The following CDH13 variants were observed in gnomAD, a reference collection of about 807,000 sequenced individuals.
The protein encoded by CDH13 is cadherin 13, also known as cadherin-13.
Under a neutral mutation model 63.8 loss-of-function variants are expected in CDH13, and 24 were observed. The observed-to-expected ratio is 0.38, with a 90% CI of 0.27 to 0.53. The LOEUF is 0.53. CDH13 is among the 20% of genes least tolerant of loss of function. CDH13 has a pLI of 0.85. For missense variants in CDH13, 1,049 were observed against 903.1 expected (o/e 1.16, Z -2.07); for synonymous variants, 503 against 355.3 (o/e 1.42, Z -4.67).
rs191142625 is a variant in CDH13, at chr16:82,920,432, C to T, written c.157+61959C>T. On this transcript the variant is annotated intron_variant, in intron 2 of 13. Transcript: ENST00000567109. ...AATGAATATGGGTCCTGTGCTCGTCCATGAATCAGTGATGTGGCCAACAAA... is the reference window on the plus strand; with the variant it reads ...AATGAATATGGGTCCTGTGCTCGTCTATGAATCAGTGATGTGGCCAACAAA... Among the ~76,000 whole-genome samples the T allele has an allele frequency of 5.4e-4, 82 of 152,300 alleles. 1 individual carries two copies. The highest frequency in any genetic ancestry group is 1.8e-3 in the African/African-American group (75 of 41,576).
intron 5 of CDH13, among the ~76,000 whole-genome samples, chr16:83,287,110 T>G (rs2089337258): frequency 6.6e-6 from 1 of 152,136 alleles, no homozygotes; most frequent in Admixed American, 6.5e-5. Context: ...TTCAGGTACT[T>G]TATAGGCCAT....
At chr16:83,266,882 C>G (rs551729154) in intron 5 of CDH13, among the ~76,000 whole-genome samples, 94 of 152,186 alleles carry the variant, frequency 6.2e-4, no homozygotes, top group Non-Finnish European at 4.9e-4. Context: ...GATGTCTTGT[C>G]CTAACTATCA....
chr16:83,556,019 C>G (rs2075594390), intron 7 of CDH13, among the ~76,000 whole-genome samples: 1 of 152,158 alleles, frequency 6.6e-6, no homozygotes, highest in South Asian at 2.1e-4. Flanking sequence ...GTTTCACTCC[C>G]TTTCCCAGTG....
At chr16:82,838,070 G>A (rs780582567) in intron 1 of CDH13, among the ~76,000 whole-genome samples, 5 of 152,194 alleles carry the variant, frequency 3.3e-5, no homozygotes, top group East Asian at 1.9e-4. Context: ...CCATCACCCC[G>A]CAGATCCTGG....
At chr16:83,485,011 C>A (rs935629932) in intron 6 of CDH13, among the ~76,000 whole-genome samples, 1 of 152,162 alleles carries the variant, frequency 6.6e-6, no homozygotes, top group Admixed American at 6.5e-5. Context: ...TGGTGCTGAA[C>A]CCCAAACATT....
intron 6 of CDH13, among the ~76,000 whole-genome samples, chr16:83,372,860 G>A (rs925004423): frequency 8.6e-5 from 13 of 151,702 alleles, no homozygotes; most frequent in South Asian, 2.1e-4. Context: ...AAGTGATGGC[G>A]TTAAACTGTG....
At chr16:82,811,433 A>G (rs557891344) in intron 1 of CDH13, among the ~76,000 whole-genome samples, 1 of 152,288 alleles carries the variant, frequency 6.6e-6, no homozygotes, top group South Asian at 2.1e-4. Flanking sequence ...CCATTTCAGG[A>G]TATTTCCCAC....
At chr16:83,382,189 C>G (rs1203140516) in intron 6 of CDH13, among the ~76,000 whole-genome samples, 2 of 152,172 alleles carry the variant, frequency 1.3e-5, no homozygotes, top group African/African-American at 4.8e-5. Flanking sequence ...GATTTGAGGA[C>G]AGCACTGACT....
At chr16:83,789,570 A>G (rs535921848) in intron 13 of CDH13, among the ~76,000 whole-genome samples, 1 of 151,960 alleles carries the variant, frequency 6.6e-6, no homozygotes, top group East Asian at 1.9e-4. Context: ...GCTGGTCTGA[A>G]ACTCCTGACC....
chr16:82,867,274 T>C (rs1031291348), intron 2 of CDH13, among the ~76,000 whole-genome samples: 7 of 152,154 alleles, frequency 4.6e-5, no homozygotes, highest in Admixed American at 6.5e-5. Flanking sequence ...TGGCCTAGTG[T>C]CTCTTAGTTT....
intron 2 of CDH13, among the ~76,000 whole-genome samples, chr16:83,028,959 CT>C (rs1237033429): frequency 6.6e-6 from 1 of 152,152 alleles, no homozygotes; most frequent in Non-Finnish European, 1.5e-5. Flanking sequence ...CAAATCCTGG[CT>C]CATCATTTAC....
At chr16:83,049,291 A>T (rs2030006530) in intron 3 of CDH13, among the ~76,000 whole-genome samples, 1 of 150,650 alleles carries the variant, frequency 6.6e-6, no homozygotes, top group Non-Finnish European at 1.5e-5. Context: ...ATATAAATGA[A>T]ATCATACAAT....
chr16:83,447,988 G>T lies in CDH13; in HGVS notation c.782-38489G>T, dbSNP rs577856879. 5.9e-5 allele frequency among the ~76,000 whole-genome samples: 9 copies of T among 152,172 alleles called. No individual in the cohort carries two copies. In the East Asian group the frequency reaches 1.7e-3, roughly 29 times the overall value. On this transcript the variant is annotated intron_variant, in intron 6 of 13. Transcript: ENST00000567109. ...AAGATTGCTCTGGGAGTTTTCAGAA[G>T]CCCCTTTGACTCCCAATAGGAACTT...
chr16:83,532,400 C>G (rs530046721), intron 7 of CDH13, among the ~76,000 whole-genome samples: 1 of 152,166 alleles, frequency 6.6e-6, no homozygotes, highest in African/African-American at 2.4e-5. Context: ...TAGTTTAATG[C>G]CCAGCACCTG....
chr16:83,483,773 G>T (rs1458714471), intron 6 of CDH13, among the ~76,000 whole-genome samples: 1 of 152,088 alleles, frequency 6.6e-6, no homozygotes, highest in Non-Finnish European at 1.5e-5. Flanking sequence ...TTCTGATGGG[G>T]ATATCCTTAA....
intron 2 of CDH13, among the ~76,000 whole-genome samples, chr16:82,916,652 C>T (rs1172243448): frequency 2.0e-5 from 3 of 151,712 alleles, no homozygotes; most frequent in East Asian, 1.9e-4. Context: ...TCTCATAAAG[C>T]CCAGTAGCAT....
chr16:83,128,894 G>A (rs1440344033), intron 4 of CDH13, among the ~76,000 whole-genome samples: 1 of 152,226 alleles, frequency 6.6e-6, no homozygotes, highest in African/African-American at 2.4e-5. Flanking sequence ...GCTTTTCTAA[G>A]TGTGGTAGGC....
At chr16:83,705,623 A>G (rs1906922769) in intron 10 of CDH13, among the ~76,000 whole-genome samples, 1 of 152,226 alleles carries the variant, frequency 6.6e-6, no homozygotes, top group South Asian at 2.1e-4. Flanking sequence ...CTCCGTCTCA[A>G]AAGAAAAGAA....
chr16:82,944,590 C>G (rs964865880), intron 2 of CDH13, among the ~76,000 whole-genome samples: 53 of 152,178 alleles, frequency 3.5e-4, no homozygotes, highest in African/African-American at 1.3e-3. Flanking sequence ...GGGTGAAGGC[C>G]AGGGGTGGTG....
Sources: gnomAD v4.1 joint callset for allele counts (sites outside exome capture counted in the v4.1 genomes callset) on GRCh38, gnomAD v4.1.1 for gene constraint, MANE v1.5 for transcripts, NCBI Gene and HGNC (gene_info 2026-07-23, HGNC 2026-07-21) for gene names.